PRIM2: variants seen among roughly 807,000 people sequenced by gnomAD.
The protein encoded by PRIM2 is DNA primase large subunit.
Under a neutral mutation model 67.3 loss-of-function variants are expected in PRIM2, and 39 were observed. That is an observed-to-expected ratio of 0.58 (90% confidence interval 0.45 to 0.76). The LOEUF is 0.76. Ranked by LOEUF, PRIM2 falls within the 30% of genes least tolerant of loss-of-function variation. The probability of loss-of-function intolerance (pLI) is 0.00; values close to 1 mark genes in which losing one functional copy is unlikely to be tolerated. For synonymous variants in PRIM2, 143 were observed against 198.7 expected (o/e 0.72, Z 2.36); for missense variants, 398 against 598.7 (o/e 0.66, Z 3.50).
At chr6:57,480,842 G>A (rs1166447035) in intron 7 of PRIM2, among the ~76,000 whole-genome samples, 5 of 152,036 alleles carry the variant, frequency 3.3e-5, no homozygotes, top group East Asian at 3.8e-4. Flanking sequence ...TTGCCAGGAC[G>A]GTCTCCATTT....
chr6:57,362,909 C>A (rs1769245681), intron 5 of PRIM2, among the ~76,000 whole-genome samples: 1 of 152,162 alleles, frequency 6.6e-6, no homozygotes, highest in South Asian at 2.1e-4. Context: ...TTGCAAATTT[C>A]AAAGACTTGA....
chr6:57,460,635 T>C (rs1330788899), intron 7 of PRIM2, among the ~76,000 whole-genome samples: 1 of 151,766 alleles, frequency 6.6e-6, no homozygotes, highest in Non-Finnish European at 1.5e-5. Context: ...AAAAAAAAGC[T>C]TTTCAATTGA....
At chr6:57,280,824 T>A in the PRIM2 span, among the ~76,000 whole-genome samples, 25,686 of 151,890 alleles carry the variant, frequency 0.17, 2,374 homozygotes, top group African/African-American at 0.23. Flanking sequence ...TCTTTTTTTT[T>A]AAAAAAAATT....
chr6:57,526,365 C>G (rs1774753021), intron 8 of PRIM2, among the ~76,000 whole-genome samples: 1 of 152,156 alleles, frequency 6.6e-6, no homozygotes, highest in Non-Finnish European at 1.5e-5. Flanking sequence ...AATTCCTTAT[C>G]CATTACCACA....
At chr6:57,248,247 T>C in the PRIM2 span, among the ~76,000 whole-genome samples, 3 of 152,186 alleles carry the variant, frequency 2.0e-5, no homozygotes, top group African/African-American at 2.4e-5. Context: ...AGCCAACTTA[T>C]TTAAATTACA....
rs1345215162 is a variant in PRIM2 at position 57,646,671 on chromosome 6, A to G, written c.*513A>G. 6.6e-6 allele frequency: 1 copy of G among 152,468 alleles called. No homozygotes were observed. The highest frequency in any genetic ancestry group is 1.5e-5 in the Non-Finnish European group (1 of 68,242). The allele number at this position is 152,468 out of a possible 1,614,324, so 9.4% of individuals were successfully genotyped here. A position where few individuals can be genotyped will look rare whatever the true frequency, so the allele number is the denominator to read the frequency against. ...GGAAAGAGGAGGAGTTTCTATTAAA[A>G]TCTGTCACTTGAGTGATGTCATTTA... On this transcript the variant is annotated 3_prime_UTR_variant, in exon 14 of 14. Transcript: ENST00000615550.
chr6:57,269,150 G>C, the PRIM2 span, among the ~76,000 whole-genome samples: 1 of 152,050 alleles, frequency 6.6e-6, no homozygotes, highest in Non-Finnish European at 1.5e-5. Context: ...TATATACCCA[G>C]TAATGGGATG....
At chr6:57,518,396 C>CTA (rs1774533788) in intron 8 of PRIM2, among the ~76,000 whole-genome samples, 1 of 152,192 alleles carries the variant, frequency 6.6e-6, no homozygotes, top group African/African-American at 2.4e-5. Flanking sequence ...AGCAACATCA[C>CTA]TAGTTGGAAT....
intron 3 of PRIM2, among the ~76,000 whole-genome samples, chr6:57,322,793 A>G (rs1767703495): frequency 6.6e-6 from 1 of 152,210 alleles, no homozygotes; most frequent in African/African-American, 2.4e-5. Flanking sequence ...CAACATGTGT[A>G]TGCGGAAGCT....
At chr6:57,543,181 C>T (rs1229811356) in intron 10 of PRIM2, among the ~76,000 whole-genome samples, 4 of 151,490 alleles carry the variant, frequency 2.6e-5, no homozygotes, top group Non-Finnish European at 5.9e-5. Flanking sequence ...CCTCGTGATC[C>T]GCCCGCCTCG....
At chr6:57,465,240 A>G (rs1324357734) in intron 7 of PRIM2, among the ~76,000 whole-genome samples, 1 of 152,156 alleles carries the variant, frequency 6.6e-6, no homozygotes, top group Non-Finnish European at 1.5e-5. Flanking sequence ...TGAAAATGTC[A>G]GACACTTGCT....
At chr6:57,268,076 T>A in the PRIM2 span, among the ~76,000 whole-genome samples, 1 of 152,058 alleles carries the variant, frequency 6.6e-6, no homozygotes, top group Admixed American at 6.5e-5. Flanking sequence ...TCAAGTGAGA[T>A]GGATTTAGAA....
At chr6:57,473,751 G>A (rs1191069382) in intron 7 of PRIM2, among the ~76,000 whole-genome samples, 1 of 151,950 alleles carries the variant, frequency 6.6e-6, no homozygotes, top group Non-Finnish European at 1.5e-5. Flanking sequence ...TATTTCCCTG[G>A]CAACCCTCTT....
At chr6:57,322,436 C>T (rs956738587) in intron 3 of PRIM2, among the ~76,000 whole-genome samples, 59 of 152,140 alleles carry the variant, frequency 3.9e-4, no homozygotes, top group Non-Finnish European at 2.1e-4. Context: ...GGGAGGGACC[C>T]GGTGGGAGGT....
At chr6:57,264,686 T>G in the PRIM2 span, among the ~76,000 whole-genome samples, 1 of 132,610 alleles carries the variant, frequency 7.5e-6, no homozygotes, top group African/African-American at 2.8e-5. Flanking sequence ...AACCTCCCCC[T>G]CCTGAGTTCA....
At chr6:57,445,570 A>G (rs1052552869) in intron 7 of PRIM2, among the ~76,000 whole-genome samples, 3 of 151,888 alleles carry the variant, frequency 2.0e-5, no homozygotes, top group Non-Finnish European at 4.4e-5. Context: ...GCCTGTGCAC[A>G]CCCCCAACCC....
chr6:57,390,307 G>T (rs1770291385), intron 7 of PRIM2: 1 of 152,790 alleles, frequency 6.5e-6, no homozygotes, highest in African/African-American at 2.4e-5. Flanking sequence ...GAACTTGATT[G>T]TTGTTCTATT....
At chr6:57,293,554 C>T in the PRIM2 span, among the ~76,000 whole-genome samples, 1 of 152,154 alleles carries the variant, frequency 6.6e-6, no homozygotes, top group Non-Finnish European at 1.5e-5. Flanking sequence ...TATTGTGGCA[C>T]TATTCACAAT....
intron 3 of PRIM2, among the ~76,000 whole-genome samples, chr6:57,321,742 A>G (rs1767665153): frequency 2.0e-5 from 3 of 152,206 alleles, no homozygotes; most frequent in Admixed American, 2.0e-4. Context: ...TTCTAAGTGC[A>G]TTACATATAT....
Sources: gnomAD v4.1 joint callset for allele counts (sites outside exome capture counted in the v4.1 genomes callset) on GRCh38, gnomAD v4.1.1 for gene constraint, MANE v1.5 for transcripts, NCBI Gene and HGNC (gene_info 2026-07-23, HGNC 2026-07-21) for gene names.